Variants in TCEAL9 observed in about 807,000 individuals in gnomAD.
TCEAL9 encodes the protein transcription elongation factor A protein-like 9.
TCEAL9 carries 2 observed loss-of-function variants against 5.2 expected under a neutral mutation model. The ratio of observed to expected loss-of-function variants is 0.38; its 90% CI spans 0.16 to 1.21. The LOEUF is 1.21. Among genes scored for constraint, TCEAL9 ranks in the 50% most tolerant of loss-of-function variants. The probability of loss-of-function intolerance (pLI) is 0.35; values close to 1 mark genes in which losing one functional copy is unlikely to be tolerated. For missense variants in TCEAL9, 76 were observed against 74.2 expected, an observed-to-expected ratio of 1.02 and a Z score of -0.09; for synonymous variants, 26 against 22.3, an observed-to-expected ratio of 1.17 and a Z score of -0.47.
Position 103,357,780 on chromosome X carries a change from G to A in TCEAL9, c.96G>A (p.Glu32=). ...EPKPEEKPEE[E]EKLEEEAKAK... is the part of the protein sequence containing the mutation. Reference sequence around the variant, plus strand: ...AGCCTGAGGAAAAGCCAGAAGAGGAGGAGAAGCTAGAGGAGGAGGCCAAAG... The same window carrying A: ...AGCCTGAGGAAAAGCCAGAAGAGGAAGAGAAGCTAGAGGAGGAGGCCAAAG... The change falls in exon 3 of 3, where the codon GAG becomes GAA. Residue 32 remains glutamate (E), a synonymous_variant. Transcript: ENST00000372661. 8.3e-7 allele frequency: 1 copy of A among 1,211,780 alleles called. No homozygotes were observed.
At chrX:103,357,575 C>T (rs1926906708) in intron 2 of TCEAL9, 40 bp from the exon 3 acceptor site, 1 of 1,022,328 alleles carries the variant, frequency 9.8e-7, no homozygotes. Flanking sequence ...CCTGTCCACT[C>T]ACCAAGTCTT....
At chrX:103,356,752 G>A (rs895914513) in intron 1 of TCEAL9, 146 bp downstream of exon 1, 8 of 110,617 alleles carry the variant, frequency 7.2e-5, no homozygotes, top group Admixed American at 2.9e-4. Context: ...AGGGACTAGG[G>A]GTCCTAGGAG....
rs1187681039 is a variant in TCEAL9 at position 103,358,423 on chromosome X, A to C, written c.*424A>C. 6.5e-5 allele frequency: 8 copies of C among 122,876 alleles called. No individual in the cohort carries two copies. In the Admixed American group the frequency reaches 7.7e-4, roughly 12 times the overall value. The allele number at this position is 122,876 out of a possible 1,213,427, so 10.1% of individuals were successfully genotyped here. A position where few individuals can be genotyped will look rare whatever the true frequency, so the allele number is the denominator to read the frequency against. On this transcript the variant is annotated 3_prime_UTR_variant, in exon 3 of 3. Transcript: ENST00000372661. ...TTCTATATTCCTAAAATTAACACAC[A>C]TTATTATTGCTAGAATAATAAAAGT...
intron 1 of TCEAL9, 62 bp from the exon 2 acceptor site, chrX:103,357,021 C>T (rs1256419312): frequency 9.0e-6 from 1 of 110,954 alleles, no homozygotes; most frequent in Non-Finnish European, 1.9e-5. Flanking sequence ...GTGTGTCAGT[C>T]TCTGGCGCTG....
chrX:103,357,303 G>A, intron 2 of TCEAL9, 142 bp downstream of exon 2: 1 of 123,303 alleles, frequency 8.1e-6, no homozygotes, highest in Non-Finnish European at 1.7e-5. Context: ...TCCTCTGCCT[G>A]CCAGCCACCT....
At position 103,358,009 on chromosome X, in the gene TCEAL9, A is replaced by G. The variant is rs375147600; in HGVS notation, c.*10A>G. 2 of 1,180,816 alleles carry G rather than the reference A, an allele frequency of 1.7e-6. No individual in the cohort carries two copies. Among genetic ancestry groups the G allele is most frequent in the Non-Finnish European group, 2.3e-6 (2 of 878,440 alleles). On this transcript the variant is annotated 3_prime_UTR_variant, in exon 3 of 3. Coordinates refer to ENST00000372661, the MANE Select transcript of TCEAL9 (RefSeq NM_016303.3). ...CCCCTATTTAATGTAGTTTACCTTG[A>G]TTTTTATCTGATATTAACAATACCA...
At position 103,357,734 on chromosome X, in the gene TCEAL9, C is replaced by A; in HGVS notation, c.50C>A (p.Pro17Gln). 8.3e-7 allele frequency: 1 copy of A among 1,210,001 alleles called. No homozygotes were observed. Among genetic ancestry groups the A allele is most frequent in the Non-Finnish European group, 1.1e-6 (1 of 894,917 alleles). ...MEGKPENESEPKHEEEPKPEE... is the reference protein window; with the variant it reads ...MEGKPENESEQKHEEEPKPEE... ...GGAAAACCAGAAAATGAGAGTGAAC[C>A]AAAGCATGAGGAAGAGCCAAAGCCT... The change falls in exon 3 of 3, where the codon CCA becomes CAA. Residue 17 changes from proline (P) to glutamine (Q), a missense_variant. By Grantham distance (76) the Pro-to-Gln change is moderately conservative. Transcript: ENST00000372661.
In TCEAL9 at chrX:103,356,957, G is replaced by A. The variant is rs1386937467; in HGVS notation, c.-149-126G>A. The A allele has an allele frequency of 4.5e-5, 5 of 111,146 alleles. No individual in the cohort carries two copies. The Admixed American group carries it at 4.8e-4, about 11-fold the overall frequency. 9.2% of individuals were successfully genotyped at this position (111,146 alleles called of 1,213,427 possible). A position where few individuals can be genotyped will look rare whatever the true frequency, so the allele number is the denominator to read the frequency against. On this transcript the variant is annotated intron_variant, in intron 1 of 2. Coordinates refer to ENST00000372661, the MANE Select transcript of TCEAL9 (RefSeq NM_016303.3). Reference sequence around the variant, plus strand: ...ACTGTGGAGAGGGGGTGAACTAGGGGAAACAAAAGGTGGGAAACTTTCCAT... The same window carrying A: ...ACTGTGGAGAGGGGGTGAACTAGGGAAAACAAAAGGTGGGAAACTTTCCAT...
chrX:103,357,921 G>A lies in TCEAL9; in HGVS notation c.237G>A (p.Glu79=). The change falls in exon 3 of 3, where the codon GAG becomes GAA. Residue 79 remains glutamate, a synonymous_variant. Transcript: ENST00000372661. The stretch of plus-strand genomic sequence containing the variant: ...TTAGAGAAGTGGATGAAATAGATGA[G>A]ATAAGGAGAGTCAGAAACAAACTTA... The part of the protein sequence containing the change: ...DMFREVDEID[E]IRRVRNKLIV... The A allele has an allele frequency of 4.1e-6, 5 of 1,211,976 alleles. No homozygotes were observed. Among genetic ancestry groups the A allele is most frequent in the Non-Finnish European group, 5.6e-6 (5 of 895,590 alleles).
chrX:103,357,591 T>TA, intron 2 of TCEAL9, 24 bp from the exon 3 acceptor site: 1 of 1,074,774 alleles, frequency 9.3e-7, no homozygotes, highest in South Asian at 2.4e-5. Context: ...GTCTTTAACT[T>TA]ACTGTCTTCT....
chrX:103,358,195 A>C lies in TCEAL9; in HGVS notation c.*196A>C. 1 of 345,135 alleles carries C rather than the reference A, an allele frequency of 2.9e-6. No individual in the cohort carries two copies. Among genetic ancestry groups the C allele is most frequent in the Non-Finnish European group, 5.0e-6 (1 of 199,885 alleles). The allele number at this position is 345,135 out of a possible 1,213,427, so 28.4% of individuals were successfully genotyped here. ...CAAGTCTCTGTCTTTTAATAAAAGA[A>C]CTTTACACATTTGTAAAAAAGAGGT... On this transcript the variant is annotated 3_prime_UTR_variant, in exon 3 of 3. Coordinates refer to ENST00000372661, the MANE Select transcript of TCEAL9 (RefSeq NM_016303.3).
chrX:103,357,617 G>C lies in TCEAL9; in HGVS notation c.-68G>C, dbSNP rs1926907590. 9.0e-7 allele frequency: 1 copy of C among 1,112,075 alleles called. No individual in the cohort carries two copies. The highest frequency in any genetic ancestry group is 3.6e-5 in the Admixed American group (1 of 27,957). 91.6% of individuals were successfully genotyped at this position (1,112,075 alleles called of 1,213,427 possible). ...ACTGTCTTCTTTTTGCTTTCTAGAA[G>C]TCATTGTATTCAAAGAAGAATAAGC... On this transcript the variant is annotated splice_region_variant and 5_prime_UTR_variant, in exon 3 of 3. Transcript: ENST00000372661.
At position 103,357,596 on chromosome X, in the gene TCEAL9, T is replaced by G; in HGVS notation, c.-70-19T>G. The G allele has an allele frequency of 9.2e-7, 1 of 1,083,931 alleles. No individual in the cohort carries two copies. The highest frequency in any genetic ancestry group is 1.2e-6 in the Non-Finnish European group (1 of 826,531). The allele number at this position is 1,083,931 out of a possible 1,213,427, so 89.3% of individuals were successfully genotyped here. ...CACTCACCAAGTCTTTAACTTACTG[T>G]CTTCTTTTTGCTTTCTAGAAGTCAT... On this transcript the variant is annotated intron_variant, in intron 2 of 2. Transcript: ENST00000372661.
chrX:103,357,710 G>T lies in TCEAL9; in HGVS notation c.26G>T (p.Gly9Val), dbSNP rs202074034. Residue 9 changes from glycine (G) to valine (V), a missense_variant, in exon 3 of 3, where the codon GGA (glycine) becomes GTA (valine). Physicochemically the swap from Gly to Val is moderately radical, Grantham distance 109. Transcript: ENST00000372661. MKSCQKME[G>V]KPENESEPKH... is the part of the protein sequence containing the mutation. ...ATGAAATCCTGTCAAAAAATGGAAG[G>T]AAAACCAGAAAATGAGAGTGAACCA... The T allele has an allele frequency of 2.3e-5, 28 of 1,204,806 alleles. No homozygotes were observed. Among genetic ancestry groups the T allele is most frequent in the Middle Eastern group, 2.3e-4 (1 of 4,331 alleles).
intron 2 of TCEAL9, 86 bp downstream of exon 2, chrX:103,357,247 A>G (rs1181499964): frequency 8.5e-6 from 1 of 117,167 alleles, no homozygotes; most frequent in Non-Finnish European, 1.8e-5. Context: ...CTTCCACCCC[A>G]CCCCTTTCCC....
In TCEAL9 at chrX:103,358,199, T is replaced by C. The variant is rs760740003; in HGVS notation, c.*200T>C. On this transcript the variant is annotated 3_prime_UTR_variant, in exon 3 of 3. Coordinates refer to ENST00000372661, the MANE Select transcript of TCEAL9 (RefSeq NM_016303.3). ...TCTCTGTCTTTTAATAAAAGAACTTTACACATTTGTAAAAAAGAGGTTCTT... is the reference window on the plus strand; with the variant it reads ...TCTCTGTCTTTTAATAAAAGAACTTCACACATTTGTAAAAAAGAGGTTCTT... 6 of 332,674 alleles carry C rather than the reference T, an allele frequency of 1.8e-5. No individual in the cohort carries two copies. The South Asian group carries it at 6.6e-4, about 36-fold the overall frequency. The allele number at this position is 332,674 out of a possible 1,213,427, so 27.4% of individuals were successfully genotyped here.
chrX:103,357,515 TA>T (rs1926904711), intron 2 of TCEAL9, 99 bp from the exon 3 acceptor site: 2 of 616,410 alleles, frequency 3.2e-6, no homozygotes, highest in Non-Finnish European at 4.8e-6. Flanking sequence ...AGATATTTTA[TA>T]ACAGCTCTGA....
Position 103,357,595 on chromosome X carries a change from G to A in TCEAL9, c.-70-20G>A. 1.8e-6 allele frequency: 2 copies of A among 1,082,559 alleles called. No homozygotes were observed. The highest frequency in any genetic ancestry group is 2.4e-6 in the Non-Finnish European group (2 of 825,587). The allele number at this position is 1,082,559 out of a possible 1,213,427, so 89.2% of individuals were successfully genotyped here. On this transcript the variant is annotated intron_variant, in intron 2 of 2. Transcript: ENST00000372661. ...CCACTCACCAAGTCTTTAACTTACT[G>A]TCTTCTTTTTGCTTTCTAGAAGTCA...
chrX:103,357,899 G>C lies in TCEAL9; in HGVS notation c.215G>C (p.Arg72Thr), dbSNP rs761615777. 2 of 1,212,024 alleles carry C rather than the reference G, an allele frequency of 1.7e-6. No individual in the cohort carries two copies. The highest frequency in any genetic ancestry group is 2.2e-6 in the Non-Finnish European group (2 of 895,613). ...CATTTAAGCAATGAAGATATGTTTA[G>C]AGAAGTGGATGAAATAGATGAGATA... is the stretch of plus-strand genomic sequence containing the variant. ...NRHLSNEDMF[R>T]EVDEIDEIRR... is the part of the protein sequence containing the mutation. Residue 72 changes from arginine (R) to threonine (T), a missense_variant, in exon 3 of 3, where the codon AGA (arginine) becomes ACA (threonine). Coordinates refer to ENST00000372661, the MANE Select transcript of TCEAL9 (RefSeq NM_016303.3).
Sources: allele counts gnomAD v4.1 joint callset, GRCh38; gene constraint gnomAD v4.1.1; transcripts MANE v1.5; gene names NCBI Gene and HGNC (gene_info 2026-07-23, HGNC 2026-07-21).